The following ATXN2 variants were observed in gnomAD, a reference collection of about 807,000 sequenced individuals.
ATXN2 encodes the protein ataxin 2.
A neutral mutation model predicts 138.6 loss-of-function variants in ATXN2; 37 were observed. The observed-to-expected ratio is 0.27, with a 90% CI of 0.21 to 0.35. The LOEUF is 0.35. Ranked by LOEUF, ATXN2 falls within the 10% of genes least tolerant of loss-of-function variation. The probability of loss-of-function intolerance (pLI) is 1.00; values close to 1 mark genes in which losing one functional copy is unlikely to be tolerated. For missense variants in ATXN2, 1,216 were observed against 1,480.3 expected (o/e 0.82, Z 2.93); for synonymous variants, 549 against 543.7 (o/e 1.01, Z -0.13).
chr12:111,469,816 T>C (rs1038043407), intron 20 of ATXN2: 3 of 405,670 alleles, frequency 7.4e-6, no homozygotes, highest in Non-Finnish European at 1.3e-5. Flanking sequence ...AGCATAATAT[T>C]GATGAGGAAG....
At position 111,470,856 on chromosome 12, in the gene ATXN2, C is replaced by T; in HGVS notation, c.2525-114G>A. Reference sequence around the variant, plus strand: ...TGACCCTGAATCTGCGTCTCTGATGCCATCTCATACCACTCCCACTTCTGC... The same window carrying T: ...TGACCCTGAATCTGCGTCTCTGATGTCATCTCATACCACTCCCACTTCTGC... On this transcript the variant is annotated intron_variant, in intron 18 of 24. Coordinates refer to ENST00000673436, the MANE Select transcript of ATXN2 (RefSeq NM_001372574.1). The T allele has an allele frequency of 1.9e-6, 2 of 1,050,368 alleles. 1 individual carries two copies. Among genetic ancestry groups the T allele is most frequent in the South Asian group, 3.0e-5 (2 of 66,324 alleles). 65.1% of individuals were successfully genotyped at this position (1,050,368 alleles called of 1,614,324 possible). A position where few individuals can be genotyped will look rare whatever the true frequency, so the allele number is the denominator to read the frequency against.
At chr12:111,573,024 T>G (rs1192523603) in intron 1 of ATXN2, among the ~76,000 whole-genome samples, 1 of 151,820 alleles carries the variant, frequency 6.6e-6, no homozygotes, top group African/African-American at 2.4e-5. Flanking sequence ...ATTTATGATG[T>G]TGTTTCCAAA....
chr12:111,513,439 G>A lies in ATXN2; in HGVS notation c.1476C>T (p.His492=), dbSNP rs1399544957. Residue 492 remains histidine, a synonymous_variant, in exon 11 of 25, where the codon CAC becomes CAT. Transcript: ENST00000673436. ...GAGTAGCTGCTTCACTGGGTGGGTT[G>A]TGGGATACAAATTCTAGGCCACTGG... ...SISSGLEFVS[H]NPPSEAATPP... is the part of the protein sequence containing the mutation. 3 of 1,613,944 alleles carry A rather than the reference G, an allele frequency of 1.9e-6. No individual in the cohort carries two copies. The highest frequency in any genetic ancestry group is 2.5e-6 in the Non-Finnish European group (3 of 1,180,028).
chr12:111,589,450 G>T (rs558433532), intron 1 of ATXN2, among the ~76,000 whole-genome samples: 1 of 152,212 alleles, frequency 6.6e-6, no homozygotes, highest in Non-Finnish European at 1.5e-5. Flanking sequence ...CTGGGCAACA[G>T]GTAAAATCTC....
rs1879864769 is a variant in ATXN2, at chr12:111,516,528, C to A, written c.1166-165G>T. On this transcript the variant is annotated intron_variant, in intron 9 of 24. Coordinates refer to ENST00000673436, the MANE Select transcript of ATXN2 (RefSeq NM_001372574.1). This position sits in a 1 kb window ranked among gnomAD's most constrained non-coding sequence, Gnocchi z 5.0. ...ATAAGTTTTAGCATAACTTAACTGA[C>A]ATAAATTCACATTTTACTTTAACCT... Among the ~76,000 whole-genome samples the A allele has an allele frequency of 6.6e-6, 1 of 152,220 alleles. No homozygotes were observed. The highest frequency in any genetic ancestry group is 2.4e-5 in the African/African-American group (1 of 41,466).
At chr12:111,572,955 T>G (rs1368890495) in intron 1 of ATXN2, among the ~76,000 whole-genome samples, 2 of 151,986 alleles carry the variant, frequency 1.3e-5, no homozygotes, top group African/African-American at 4.8e-5. Context: ...TAGTTCAAAT[T>G]AATTATGAGT....
chr12:111,531,718 C>T (rs539921011), intron 5 of ATXN2, among the ~76,000 whole-genome samples: 1 of 152,278 alleles, frequency 6.6e-6, no homozygotes, highest in South Asian at 2.1e-4. Flanking sequence ...AAACCAAGGG[C>T]ACAGGTGGAG....
Position 111,518,334 on chromosome 12 carries a change from T to C in ATXN2, c.1080A>G (p.Gly360=). 6.2e-7 allele frequency: 1 copy of C among 1,613,542 alleles called. No homozygotes were observed. Among genetic ancestry groups the C allele is most frequent in the Non-Finnish European group, 8.5e-7 (1 of 1,179,558 alleles). The change falls in exon 9 of 25, where the codon GGA becomes GGG. Residue 360 remains glycine, a synonymous_variant. Coordinates refer to ENST00000673436, the MANE Select transcript of ATXN2 (RefSeq NM_001372574.1). ...RQNSPRMGQP[G]SGSMPSRSTS... ...TGGATCTTGATGGCATGGAGCCCGATCCAGGCTGGCCCATACGCGGTGAAT... is the reference window on the plus strand; with the variant it reads ...TGGATCTTGATGGCATGGAGCCCGACCCAGGCTGGCCCATACGCGGTGAAT...
Position 111,457,285 on chromosome 12 carries a change from G to C in ATXN2, c.2971C>G (p.Pro991Ala). 1 of 1,614,154 alleles carries C rather than the reference G, an allele frequency of 6.2e-7. No homozygotes were observed. The highest frequency in any genetic ancestry group is 2.2e-5 in the East Asian group (1 of 44,878). The change falls in exon 22 of 25, where the codon CCT becomes GCT. Residue 991 changes from proline (P) to alanine (A), a missense_variant. Physicochemically the swap from Pro to Ala is conservative, Grantham distance 27. Transcript: ENST00000673436. ...TGCTGTCCAGTGGGGGTAGCTGAAG[G>C]CTGAGGGTGTGGAGTATGTGGGTGC... is the stretch of plus-strand genomic sequence containing the variant. ...TLHPHTPHPQ[P>A]SATPTGQQQS...
intron 10 of ATXN2, among the ~76,000 whole-genome samples, chr12:111,514,354 C>A (rs1213893854): frequency 6.6e-6 from 1 of 152,128 alleles, no homozygotes; most frequent in Non-Finnish European, 1.5e-5. Flanking sequence ...GTGCATTAGA[C>A]CAATCTATCA....
chr12:111,525,351 A>G lies in ATXN2; in HGVS notation c.572-35T>C, dbSNP rs754652621. ...ATGGTTTTGGTTGAAAGTTTATATA[A>G]TCTGGCAATCAGTTACACTCACACA... On this transcript the variant is annotated intron_variant, in intron 5 of 24. Transcript: ENST00000673436. The G allele has an allele frequency of 4.6e-6, 7 of 1,519,406 alleles. No individual in the cohort carries two copies. In the South Asian group the frequency reaches 9.2e-5, roughly 20 times the overall value. The allele number at this position is 1,519,406 out of a possible 1,614,324, so 94.1% of individuals were successfully genotyped here. A position where few individuals can be genotyped will look rare whatever the true frequency, so the allele number is the denominator to read the frequency against.
At chr12:111,468,731 C>T (rs1333979843) in intron 20 of ATXN2, 2 of 123,754 alleles carry the variant, frequency 1.6e-5, no homozygotes, top group Non-Finnish European at 3.2e-5. Context: ...GATGGAGTCT[C>T]ACTCTGTCGC....
intron 1 of ATXN2, among the ~76,000 whole-genome samples, chr12:111,568,451 G>T (rs140150887): frequency 6.6e-6 from 1 of 152,062 alleles, no homozygotes; most frequent in Admixed American, 6.6e-5. Context: ...ATTTCAACAA[G>T]ACCTGGGTAA....
At chr12:111,575,361 A>AT (rs1883579518) in intron 1 of ATXN2, among the ~76,000 whole-genome samples, 1 of 152,008 alleles carries the variant, frequency 6.6e-6, no homozygotes, top group Non-Finnish European at 1.5e-5. Context: ...ATTAAAAAAT[A>AT]TTTTTTGTAG....
chr12:111,596,507 G>C (rs1592942542), intron 1 of ATXN2, among the ~76,000 whole-genome samples: 1 of 152,058 alleles, frequency 6.6e-6, no homozygotes, highest in Non-Finnish European at 1.5e-5. Flanking sequence ...CTTGCTCTCA[G>C]AGACTTATTT....
intron 1 of ATXN2, among the ~76,000 whole-genome samples, chr12:111,581,037 C>G (rs1449063324): frequency 2.7e-5 from 4 of 148,844 alleles, no homozygotes; most frequent in Non-Finnish European, 5.9e-5. Context: ...ACTTGGGAGG[C>G]TGAGACAGGA....
intron 1 of ATXN2, among the ~76,000 whole-genome samples, chr12:111,559,988 T>C (rs953576037): frequency 6.6e-6 from 1 of 152,128 alleles, no homozygotes; most frequent in Non-Finnish European, 1.5e-5. Flanking sequence ...TGCTAAATTG[T>C]AGTTGTCTAG....
intron 23 of ATXN2, chr12:111,454,892 T>C: frequency 1.7e-6 from 1 of 598,990 alleles, no homozygotes; most frequent in South Asian, 1.9e-5. Flanking sequence ...CTTATGAAGC[T>C]GACTCCACCA....
chr12:111,533,478 A>C (rs894514284), intron 5 of ATXN2, among the ~76,000 whole-genome samples: 1 of 152,068 alleles, frequency 6.6e-6, no homozygotes, highest in Non-Finnish European at 1.5e-5. Flanking sequence ...AAGTCTGTAC[A>C]TGTTCAGTAT....
Sources: gnomAD v4.1 joint callset for allele counts (sites outside exome capture counted in the v4.1 genomes callset) on GRCh38, gnomAD v4.1.1 for gene constraint, Gnocchi (gnomAD v3.1) non-coding constraint, MANE v1.5 for transcripts, NCBI Gene and HGNC (gene_info 2026-07-23, HGNC 2026-07-21) for gene names.